SPAG16: variants seen among roughly 807,000 people sequenced by gnomAD.
The protein encoded by SPAG16 is sperm-associated antigen 16 protein.
A neutral mutation model predicts 80.4 loss-of-function variants in SPAG16; 86 were observed. The ratio of observed to expected loss-of-function variants is 1.07; its 90% CI spans 0.90 to 1.28. SPAG16 has a LOEUF of 1.28. Among genes scored for constraint, SPAG16 ranks in the 50% most tolerant of loss-of-function variants. SPAG16 has a pLI of 0.00. For missense variants in SPAG16, 870 were observed against 765.3 expected (o/e 1.14, Z -1.61); for synonymous variants, 294 against 265.9 (o/e 1.11, Z -1.03).
chr2:214,304,988 C>A (rs1313228279), intron 15 of SPAG16, among the ~76,000 whole-genome samples: 1 of 152,174 alleles, frequency 6.6e-6, no homozygotes, highest in East Asian at 1.9e-4. Flanking sequence ...TTTACACTCC[C>A]ATCCACCATG....
intron 9 of SPAG16, among the ~76,000 whole-genome samples, chr2:213,402,376 T>A (rs2068360178): frequency 6.6e-6 from 1 of 152,102 alleles, no homozygotes; most frequent in Non-Finnish European, 1.5e-5. Flanking sequence ...ATTGTTTATA[T>A]TCTTATCTCC....
chr2:214,152,713 A>G (rs2056033380), intron 15 of SPAG16, among the ~76,000 whole-genome samples: 1 of 152,154 alleles, frequency 6.6e-6, no homozygotes, highest in African/African-American at 2.4e-5. Context: ...TTTATTGGAT[A>G]CAAAGCAAAA....
intron 10 of SPAG16, among the ~76,000 whole-genome samples, chr2:213,795,694 C>A (rs1336841286): frequency 6.6e-6 from 1 of 152,112 alleles, no homozygotes; most frequent in Admixed American, 6.6e-5. Context: ...TGGTTTAGCA[C>A]CATCCCCTCA....
intron 14 of SPAG16, among the ~76,000 whole-genome samples, 186 bp from the exon 15 acceptor site, chr2:214,148,954 A>G (rs1366574897): frequency 6.6e-6 from 1 of 151,540 alleles, no homozygotes; most frequent in Non-Finnish European, 1.5e-5. Context: ...ACTATTTCTT[A>G]GTTTAGAGGA....
intron 1 of SPAG16, among the ~76,000 whole-genome samples, chr2:213,291,364 T>C (rs1000360894): frequency 1.3e-5 from 2 of 152,228 alleles, no homozygotes; most frequent in Non-Finnish European, 2.9e-5. Context: ...TACATTTATG[T>C]CTTTAATAAC....
intron 15 of SPAG16, among the ~76,000 whole-genome samples, chr2:214,253,658 T>C (rs113855299): frequency 2.0e-5 from 3 of 152,296 alleles, no homozygotes; most frequent in Non-Finnish European, 2.9e-5. Flanking sequence ...GTTCTATTGA[T>C]CTATATATCT....
intron 9 of SPAG16, among the ~76,000 whole-genome samples, chr2:213,438,118 T>G (rs1052393213): frequency 9.9e-5 from 15 of 152,250 alleles, no homozygotes; most frequent in African/African-American, 3.1e-4. Flanking sequence ...TCAATCTACC[T>G]TAACGTTTTG....
At chr2:214,108,305 A>G (rs951442328) in intron 14 of SPAG16, 44 bp downstream of exon 14, 2 of 1,444,128 alleles carry the variant, frequency 1.4e-6, no homozygotes, top group South Asian at 1.2e-5. Flanking sequence ...TGCTTCATAT[A>G]TACAAATTCA....
intron 15 of SPAG16, among the ~76,000 whole-genome samples, chr2:214,220,072 T>C (rs2058528399): frequency 6.6e-6 from 1 of 152,116 alleles, no homozygotes; most frequent in Non-Finnish European, 1.5e-5. Context: ...CATATCAACA[T>C]ATTAACTTTA....
intron 15 of SPAG16, among the ~76,000 whole-genome samples, chr2:214,290,507 A>G (rs1011061153): frequency 3.3e-5 from 5 of 152,072 alleles, no homozygotes; most frequent in African/African-American, 1.2e-4. Context: ...AAATGTAAAT[A>G]TTTACTGTTA....
chr2:213,555,075 G>A (rs983597457), intron 10 of SPAG16, among the ~76,000 whole-genome samples: 1 of 151,172 alleles, frequency 6.6e-6, no homozygotes, highest in Non-Finnish European at 1.5e-5. Context: ...TAAAAAGAGG[G>A]GACCCCAAAA....
intron 15 of SPAG16, among the ~76,000 whole-genome samples, chr2:214,201,848 A>G (rs2058018324): frequency 1.3e-5 from 2 of 150,860 alleles, no homozygotes; most frequent in African/African-American, 4.9e-5. Flanking sequence ...CCTTTTATTT[A>G]TTTATTTTTA....
intron 11 of SPAG16, among the ~76,000 whole-genome samples, chr2:213,863,463 T>A (rs1444950013): frequency 4.6e-5 from 7 of 152,126 alleles, no homozygotes; most frequent in Admixed American, 6.5e-5. Context: ...GATAAAAAAA[T>A]TTTATTTAAA....
chr2:214,086,801 A>G (rs1193944261), intron 13 of SPAG16, among the ~76,000 whole-genome samples: 1 of 152,194 alleles, frequency 6.6e-6, no homozygotes, highest in Non-Finnish European at 1.5e-5. Context: ...AATTGGATCA[A>G]TCACATTTCA....
chr2:213,753,307 C>A (rs1178248689), intron 10 of SPAG16, among the ~76,000 whole-genome samples: 1 of 152,064 alleles, frequency 6.6e-6, no homozygotes, highest in African/African-American at 2.4e-5. Flanking sequence ...CTGCTGCGCC[C>A]AGCCTATTTT....
intron 15 of SPAG16, chr2:214,241,280 C>T (rs1395068701): frequency 6.6e-6 from 1 of 151,314 alleles, no homozygotes; most frequent in African/African-American, 2.4e-5. Context: ...ATTGCTTGAA[C>T]CTGAGAGGCG....
At chr2:214,083,259 TC>T (rs988117255) in intron 13 of SPAG16, among the ~76,000 whole-genome samples, 13 of 152,202 alleles carry the variant, frequency 8.5e-5, no homozygotes, top group African/African-American at 2.9e-4. Context: ...CATAGACACA[TC>T]CCCAAAGGAG....
At chr2:213,704,530 T>G (rs960506055) in intron 10 of SPAG16, among the ~76,000 whole-genome samples, 9 of 152,306 alleles carry the variant, frequency 5.9e-5, no homozygotes, top group Non-Finnish European at 8.8e-5. Flanking sequence ...CGTGCCTGCA[T>G]GGATTAAGCT....
intron 10 of SPAG16, among the ~76,000 whole-genome samples, chr2:213,775,838 T>C (rs1273006077): frequency 6.6e-6 from 1 of 152,236 alleles, no homozygotes; most frequent in Non-Finnish European, 1.5e-5. Flanking sequence ...GGAAGCTGCA[T>C]TTTTTGGTTT....
Sources: gnomAD v4.1 joint callset for allele counts (sites outside exome capture counted in the v4.1 genomes callset) on GRCh38, gnomAD v4.1.1 for gene constraint, MANE v1.5 for transcripts, NCBI Gene and HGNC (gene_info 2026-07-23, HGNC 2026-07-21) for gene names.